Variants in CTBP2 observed in about 807,000 individuals in gnomAD.
CTBP2 encodes the protein C-terminal binding protein 2.
A neutral mutation model predicts 80.3 loss-of-function variants in CTBP2; 30 were observed. That is an observed-to-expected ratio of 0.37 (90% CI 0.28 to 0.51). The LOEUF (loss-of-function observed/expected upper bound fraction) is 0.51. Ranked by LOEUF, CTBP2 falls within the 20% of genes least tolerant of loss-of-function variation. CTBP2 has a pLI of 0.93. For synonymous variants in CTBP2, 594 were observed against 587.4 expected, an observed-to-expected ratio of 1.01 and a Z score of -0.16; for missense variants, 1,212 against 1,375.3, an observed-to-expected ratio of 0.88 and a Z score of 1.88.
At chr10:125,006,771 G>C (rs1172338273) in intron 1 of CTBP2, among the ~76,000 whole-genome samples, 1 of 152,220 alleles carries the variant, frequency 6.6e-6, no homozygotes, top group African/African-American at 2.4e-5. Context: ...TTTCAGGGAC[G>C]TGGGGTCCCC....
chr10:125,119,439 G>A (rs1386291887), intron 1 of CTBP2, among the ~76,000 whole-genome samples: 2 of 152,238 alleles, frequency 1.3e-5, no homozygotes, highest in African/African-American at 2.4e-5. Flanking sequence ...CTGGAAACCA[G>A]AGTAGGATAA....
At chr10:125,160,347 GA>G in exon 1 of CTBP2, 1 of 151,756 alleles carries the variant, frequency 6.6e-6, no homozygotes, top group Non-Finnish European at 1.5e-5. Flanking sequence ...CGTCCACGGC[GA>G]AAGGCGCCCA....
intron 1 of CTBP2, among the ~76,000 whole-genome samples, chr10:125,115,758 T>C (rs1323149117): frequency 1.3e-5 from 2 of 152,206 alleles, no homozygotes; most frequent in Non-Finnish European, 2.9e-5. Context: ...GGTTAATGGT[T>C]AGGCATCCCA....
At chr10:125,117,883 T>C (rs1270093213) in intron 1 of CTBP2, among the ~76,000 whole-genome samples, 1 of 152,184 alleles carries the variant, frequency 6.6e-6, no homozygotes, top group Non-Finnish European at 1.5e-5. Flanking sequence ...AATCAACACT[T>C]CATTATGACC....
intron 2 of CTBP2, among the ~76,000 whole-genome samples, chr10:125,040,207 A>G (rs982123240): frequency 6.6e-6 from 1 of 152,108 alleles, no homozygotes; most frequent in East Asian, 1.9e-4. Context: ...GTAAGCCCAG[A>G]AGTTTGGGAG....
intron 1 of CTBP2, among the ~76,000 whole-genome samples, chr10:125,018,677 C>G (rs1167861130): frequency 2.0e-5 from 3 of 152,208 alleles, no homozygotes; most frequent in Non-Finnish European, 4.4e-5. Flanking sequence ...TCGGCCCTGG[C>G]AAAGGGGCAA....
intron 2 of CTBP2, among the ~76,000 whole-genome samples, chr10:125,063,592 TAATTGCCACATAA>T (rs1844168841): frequency 6.6e-6 from 1 of 152,194 alleles, no homozygotes; most frequent in South Asian, 2.1e-4. Flanking sequence ...TAGTAAAAAT[TAATTGCCACATAA>T]AATTGCTGAT....
At chr10:125,051,071 T>C (rs1962635356) in intron 2 of CTBP2, among the ~76,000 whole-genome samples, 1 of 152,192 alleles carries the variant, frequency 6.6e-6, no homozygotes, top group Non-Finnish European at 1.5e-5. Context: ...GACAAGGTAA[T>C]GGCCATTTAA....
At chr10:125,089,390 T>C (rs764802326) in intron 2 of CTBP2, among the ~76,000 whole-genome samples, 2 of 152,180 alleles carry the variant, frequency 1.3e-5, no homozygotes, top group Admixed American at 1.3e-4. Flanking sequence ...CCGACCAAAC[T>C]GGATGACAGT....
chr10:125,120,031 G>C (rs888409976), intron 1 of CTBP2, among the ~76,000 whole-genome samples: 3 of 152,230 alleles, frequency 2.0e-5, no homozygotes. Flanking sequence ...ATACAGAAAA[G>C]GATGTTCTCT....
chr10:125,004,796 A>C (rs1955011817), intron 1 of CTBP2, among the ~76,000 whole-genome samples: 1 of 152,156 alleles, frequency 6.6e-6, no homozygotes, highest in Non-Finnish European at 1.5e-5. Context: ...TAACCCAACC[A>C]GGAAGGTGTG....
At chr10:125,058,339 G>A (rs1038547519) in intron 2 of CTBP2, among the ~76,000 whole-genome samples, 1 of 152,300 alleles carries the variant, frequency 6.6e-6, no homozygotes, top group Non-Finnish European at 1.5e-5. Flanking sequence ...CTCACAAGAT[G>A]CCTCCTGGGC....
At chr10:124,998,248 C>T (rs1341536168) in intron 3 of CTBP2, 78 bp from the exon 6 acceptor site, 2 of 1,495,704 alleles carry the variant, frequency 1.3e-6, no homozygotes, top group East Asian at 2.4e-5. Context: ...CCAGCCCGCC[C>T]TCCTGAGACT....
chr10:125,026,937 C>T lies in CTBP2; in HGVS notation c.823G>A (p.Ala275Thr). ...GGACCCTGGAAGGTGGACAGGTCAGCTTCGTAAGTCTCGTAAGCCATCTTG... is the reference window on the plus strand; with the variant it reads ...GGACCCTGGAAGGTGGACAGGTCAGTTTCGTAAGTCTCGTAAGCCATCTTG... Residue 275 changes from alanine to threonine, a missense_variant, in exon 1 of 9, where the codon GCT becomes ACT. This residue lies in a region of CTBP2 where 848 missense variants were observed against 782.3 expected (regional missense o/e 1.08). Transcript: ENST00000309035. 6.2e-7 allele frequency: 1 copy of T among 1,614,082 alleles called. No individual in the cohort carries two copies. The highest frequency in any genetic ancestry group is 8.5e-7 in the Non-Finnish European group (1 of 1,180,030).
At chr10:125,157,251 T>C (rs1861083366) in intron 1 of CTBP2, among the ~76,000 whole-genome samples, 1 of 152,136 alleles carries the variant, frequency 6.6e-6, no homozygotes, top group African/African-American at 2.4e-5. Context: ...TAATTCACCC[T>C]GCCCCTCCCC....
rs115657367 is a variant in CTBP2, at chr10:125,076,368, C to A, written c.-102+34622G>T. ...TTTGGGAGCACGGCCATCGCCCAGTCAGCTCTGGCCCCTACACACCATGGG... is the reference window on the plus strand; with the variant it reads ...TTTGGGAGCACGGCCATCGCCCAGTAAGCTCTGGCCCCTACACACCATGGG... On this transcript the variant is annotated intron_variant, in intron 2 of 10. Transcript: ENST00000337195. 2.8e-3 allele frequency among the ~76,000 whole-genome samples: 428 copies of A among 152,318 alleles called. 1 individual carries two copies. Among genetic ancestry groups the A allele is most frequent in the African/African-American group, 9.9e-3 (413 of 41,576 alleles).
At chr10:125,098,694 G>GAGAGAC (rs1850025474) in intron 2 of CTBP2, among the ~76,000 whole-genome samples, 3 of 135,778 alleles carry the variant, frequency 2.2e-5, no homozygotes, top group African/African-American at 8.4e-5. Flanking sequence ...GAGAGAGAGA[G>GAGAGAC]AGAGAGAGAG....
intron 1 of CTBP2, among the ~76,000 whole-genome samples, chr10:125,151,187 A>G (rs1321163105): frequency 6.6e-6 from 1 of 152,140 alleles, no homozygotes; most frequent in African/African-American, 2.4e-5. Flanking sequence ...TCTGCAAAAC[A>G]TAGAGGCGAA....
At chr10:125,040,123 G>C (rs1011580503) in intron 2 of CTBP2, among the ~76,000 whole-genome samples, 1 of 152,108 alleles carries the variant, frequency 6.6e-6, no homozygotes, top group Admixed American at 6.5e-5. Flanking sequence ...TTAAGTCACT[G>C]CTCTGGAACT....
Sources: allele counts gnomAD v4.1 joint callset (sites outside exome capture counted in the v4.1 genomes callset), GRCh38; gene constraint gnomAD v4.1.1; regional missense constraint gnomAD v4.1.1; transcripts MANE v1.5; gene names NCBI Gene and HGNC (gene_info 2026-07-23, HGNC 2026-07-21).